ENPP2: variants seen among roughly 807,000 people sequenced by gnomAD.
ENPP2 encodes ectonucleotide pyrophosphatase/phosphodiesterase 2.
A neutral mutation model predicts 120.2 loss-of-function variants in ENPP2; 51 were observed. The ratio of observed to expected loss-of-function variants is 0.42; its 90% CI spans 0.34 to 0.54. The LOEUF is 0.54. Ranked by LOEUF, ENPP2 falls within the 20% of genes least tolerant of loss-of-function variation. ENPP2 has a pLI of 0.04. For synonymous variants in ENPP2, 365 were observed against 366.4 expected (o/e 1.00, Z 0.04); for missense variants, 920 against 1,066.5 (o/e 0.86, Z 1.91).
intron 1 of ENPP2, among the ~76,000 whole-genome samples, chr8:119,646,009 C>G (rs1334330055): frequency 2.6e-5 from 4 of 151,508 alleles, no homozygotes; most frequent in African/African-American, 4.9e-5. Flanking sequence ...ACTCTTGTTG[C>G]CCAGGCTGGA....
intron 8 of ENPP2, 116 bp from the exon 9 acceptor site, chr8:119,608,093 A>C: frequency 1.8e-6 from 1 of 541,672 alleles, no homozygotes; most frequent in Non-Finnish European, 3.2e-6. Context: ...CCCAACATAA[A>C]TTTTCCATTA....
chr8:119,592,605 C>T (rs1044091353), intron 12 of ENPP2, among the ~76,000 whole-genome samples: 5 of 97,668 alleles, frequency 5.1e-5, no homozygotes, highest in African/African-American at 3.1e-4. Context: ...CTTTACAATG[C>T]CTCAGCACAT....
At chr8:119,558,409 G>A (rs1053801679) in intron 24 of ENPP2, among the ~76,000 whole-genome samples, 4 of 152,068 alleles carry the variant, frequency 2.6e-5, no homozygotes, top group African/African-American at 9.7e-5. Flanking sequence ...GGAGGTTAGG[G>A]AGGAGAGGAG....
chr8:119,599,653 A>G (rs2326304), intron 11 of ENPP2, among the ~76,000 whole-genome samples: 51,268 of 151,768 alleles, frequency 0.34, 9,285 homozygotes, highest in South Asian at 0.53. Flanking sequence ...ATTTGAAATT[A>G]TACTGGATAC....
chr8:119,647,307 C>CT (rs1349378442), intron 1 of ENPP2, among the ~76,000 whole-genome samples: 1 of 152,126 alleles, frequency 6.6e-6, no homozygotes, highest in Non-Finnish European at 1.5e-5. Context: ...TCTGCAACCT[C>CT]TTTTAAGGCA....
intron 11 of ENPP2, among the ~76,000 whole-genome samples, chr8:119,594,282 G>A (rs1813737823): frequency 6.6e-6 from 1 of 152,132 alleles, no homozygotes; most frequent in African/African-American, 2.4e-5. Flanking sequence ...GCTGTTCTGA[G>A]GTTAAAATCA....
chr8:119,631,168 A>T (rs1234644460), intron 2 of ENPP2, among the ~76,000 whole-genome samples: 1 of 139,122 alleles, frequency 7.2e-6, no homozygotes, highest in Admixed American at 7.5e-5. Flanking sequence ...TGCTGGGATT[A>T]CAGGTGTGAG....
chr8:119,611,241 A>G (rs1427988010), intron 8 of ENPP2, among the ~76,000 whole-genome samples: 1 of 152,204 alleles, frequency 6.6e-6, no homozygotes, highest in Non-Finnish European at 1.5e-5. Flanking sequence ...CATTTTTTCA[A>G]AAAACATAAA....
In ENPP2 at chr8:119,615,641, T is replaced by TA. The variant is rs570838007; in HGVS notation, c.777+623dup. On this transcript the variant is annotated intron_variant, in intron 8 of 24. Coordinates refer to ENST00000075322, the MANE Select transcript of ENPP2 (RefSeq NM_001040092.3). ...TTTTTGTATTTAACTTCATGATTTT[T>TA]AAAAAATAGATTAAATAAAAAAATT... 1.9e-4 allele frequency among the ~76,000 whole-genome samples: 29 copies of TA among 152,314 alleles called. No individual in the cohort carries two copies. The East Asian group carries it at 4.8e-3, about 25-fold the overall frequency.
chr8:119,595,180 G>T (rs1813799731), intron 11 of ENPP2, among the ~76,000 whole-genome samples: 1 of 152,216 alleles, frequency 6.6e-6, no homozygotes. Flanking sequence ...TTACTCAGCA[G>T]GATGACTCAG....
chr8:119,569,596 A>C (rs1049519749), intron 20 of ENPP2, among the ~76,000 whole-genome samples: 5 of 152,066 alleles, frequency 3.3e-5, no homozygotes, highest in African/African-American at 7.2e-5. Context: ...CTCTTTATCA[A>C]AGTCTTAAGA....
At chr8:119,574,700 C>T (rs988348238) in intron 19 of ENPP2, among the ~76,000 whole-genome samples, 1 of 152,086 alleles carries the variant, frequency 6.6e-6, no homozygotes, top group Non-Finnish European at 1.5e-5. Flanking sequence ...TCTTGAGAGC[C>T]ACATGAAAAT....
Position 119,581,431 on chromosome 8 carries a change from T to C in ENPP2, c.1728+987A>G, listed in dbSNP as rs1416901305. ...AGAGCAAACTTGCCCTGTGGCTCCC[T>C]GTTGGGCTCTACCAAGGGGAAACAT... On this transcript the variant is annotated intron_variant, in intron 18 of 24. Coordinates refer to ENST00000075322, the MANE Select transcript of ENPP2 (RefSeq NM_001040092.3). Among the ~76,000 whole-genome samples the C allele has an allele frequency of 4.6e-5, 7 of 152,194 alleles. No individual in the cohort carries two copies. The South Asian group carries it at 1.5e-3, about 32-fold the overall frequency.
chr8:119,561,270 T>A (rs1389380171), intron 24 of ENPP2, among the ~76,000 whole-genome samples: 1 of 152,242 alleles, frequency 6.6e-6, no homozygotes, highest in Non-Finnish European at 1.5e-5. Flanking sequence ...AAGCTATTCT[T>A]GTGGCTCCTT....
At chr8:119,601,561 A>T in intron 9 of ENPP2, 99 bp from the exon 10 acceptor site, 2 of 769,470 alleles carry the variant, frequency 2.6e-6, no homozygotes, top group South Asian at 1.6e-5. Context: ...AATGCTCTCT[A>T]TTTACCACCA....
rs916362796 is a variant in ENPP2, at chr8:119,602,292, T to C, written c.834-830A>G. ...GACCAGCATGGCAAAACCCCGTCAC[T>C]ACTAAAAATACAAAATTAGCCAGGC... On this transcript the variant is annotated intron_variant, in intron 9 of 24. Coordinates refer to ENST00000075322, the MANE Select transcript of ENPP2 (RefSeq NM_001040092.3). Among the ~76,000 whole-genome samples, 6 of 151,982 alleles carry C rather than the reference T, an allele frequency of 3.9e-5. No homozygotes were observed. The East Asian group carries it at 5.8e-4, about 15-fold the overall frequency.
chr8:119,563,604 T>C (rs1329204493), intron 23 of ENPP2, among the ~76,000 whole-genome samples: 5 of 152,208 alleles, frequency 3.3e-5, no homozygotes, highest in Admixed American at 6.5e-5. Context: ...CGAGTGCTAA[T>C]GATGGACCTA....
rs184617822 is a variant in ENPP2 at position 119,595,307 on chromosome 8, A to T, written c.973-1447T>A. Among the ~76,000 whole-genome samples the T allele has an allele frequency of 9.6e-4, 147 of 152,332 alleles. 1 individual carries two copies. The highest frequency in any genetic ancestry group is 2.6e-3 in the African/African-American group (110 of 41,578). On this transcript the variant is annotated intron_variant, in intron 11 of 24. Transcript: ENST00000075322. Reference sequence around the variant, plus strand: ...ACAACCGATAGGCTCTTCTGAACATACTGGGAAGAGTAGACATTACTTGTG... The same window carrying T: ...ACAACCGATAGGCTCTTCTGAACATTCTGGGAAGAGTAGACATTACTTGTG...
chr8:119,597,091 C>G (rs998889864), intron 11 of ENPP2, among the ~76,000 whole-genome samples: 3 of 152,088 alleles, frequency 2.0e-5, no homozygotes, highest in Non-Finnish European at 4.4e-5. Flanking sequence ...ATCTGCCATG[C>G]GATTTCACTG....
Sources: allele counts gnomAD v4.1 joint callset (sites outside exome capture counted in the v4.1 genomes callset), GRCh38; gene constraint gnomAD v4.1.1; transcripts MANE v1.5; gene names NCBI Gene and HGNC (gene_info 2026-07-23, HGNC 2026-07-21).